The following ABCA13 variants were observed in gnomAD, a reference collection of about 807,000 sequenced individuals.
ABCA13 encodes ATP-binding cassette sub-family A member 13.
Under a neutral mutation model 478.7 loss-of-function variants are expected in ABCA13, and 476 were observed. That is an observed-to-expected ratio of 0.99 (90% confidence interval 0.92 to 1.07). The LOEUF (loss-of-function observed/expected upper bound fraction) is 1.07. ABCA13 is among the 50% of genes least tolerant of loss of function. The probability of loss-of-function intolerance (pLI) is 0.00; values close to 1 mark genes in which losing one functional copy is unlikely to be tolerated. For missense variants in ABCA13, 6,060 were observed against 5,910.6 expected, an observed-to-expected ratio of 1.03 and a Z score of -0.83; for synonymous variants, 2,252 against 2,158.9, an observed-to-expected ratio of 1.04 and a Z score of -1.20.
At chr7:48,235,673 G>A (rs1295746977) in intron 8 of ABCA13, among the ~76,000 whole-genome samples, 1 of 152,178 alleles carries the variant, frequency 6.6e-6, no homozygotes, top group African/African-American at 2.4e-5. Context: ...ACATACTGTT[G>A]TGGGGGAGGA....
chr7:48,435,374 ATTTG>A lies in ABCA13; in HGVS notation c.12565+7507_12565+7510del, dbSNP rs578183647. ...ATTTTGTATCCTGAAACTTTGGTGA[ATTTG>A]TTTATGAGTACTAACATTTTGTGTT... On this transcript the variant is annotated intron_variant, in intron 42 of 61. Transcript: ENST00000435803. 3.9e-3 allele frequency among the ~76,000 whole-genome samples: 587 copies of A among 151,992 alleles called. 5 individuals carry two copies. Among genetic ancestry groups the A allele is most frequent in the African/African-American group, 0.014 (561 of 41,514 alleles).
At chr7:48,261,016 A>G (rs1794102679) in intron 15 of ABCA13, among the ~76,000 whole-genome samples, 1 of 151,694 alleles carries the variant, frequency 6.6e-6, no homozygotes, top group South Asian at 2.1e-4. Context: ...TTACTCTCAA[A>G]TTTGATTGGT....
chr7:48,458,208 A>G (rs1825874011), intron 43 of ABCA13, among the ~76,000 whole-genome samples: 1 of 152,166 alleles, frequency 6.6e-6, no homozygotes, highest in Non-Finnish European at 1.5e-5. Context: ...TCGTTATTGA[A>G]TCTGAGCACC....
chr7:48,279,660 A>T lies in ABCA13; in HGVS notation c.8466A>T (p.Arg2822Ser), dbSNP rs1796764287. 3.1e-6 allele frequency: 5 copies of T among 1,613,368 alleles called. No individual in the cohort carries two copies. In the South Asian group the frequency reaches 4.4e-5, roughly 14 times the overall value. Residue 2822 changes from arginine to serine, a missense_variant, in exon 18 of 62, where the codon AGA becomes AGT. Transcript: ENST00000435803. ...AAGCAATCCATAATGTTTTAAGTAG[A>T]ATAGCTCTCTGGAGGAAAGGACTTC... ...LEKAIHNVLS[R>S]IALWRKGLLF... is the part of the protein sequence containing the mutation.
At chr7:48,543,335 ATAGGC>A (rs1784511118) in intron 55 of ABCA13, among the ~76,000 whole-genome samples, 1 of 151,864 alleles carries the variant, frequency 6.6e-6, no homozygotes, top group Non-Finnish European at 1.5e-5. Flanking sequence ...TACAATACAA[ATAGGC>A]TAGCTGGGCA....
chr7:48,567,782 T>A (rs1314543046), intron 55 of ABCA13, among the ~76,000 whole-genome samples: 1 of 152,094 alleles, frequency 6.6e-6, no homozygotes, highest in Non-Finnish European at 1.5e-5. Flanking sequence ...TAGGTTAGTT[T>A]TACTTGTTTG....
intron 42 of ABCA13, among the ~76,000 whole-genome samples, chr7:48,438,626 TC>T (rs200410677): frequency 7.4e-6 from 1 of 135,932 alleles, no homozygotes; most frequent in Non-Finnish European, 1.6e-5. Context: ...TGCTACCTTT[TC>T]TTTTTTTTAA....
intron 51 of ABCA13, among the ~76,000 whole-genome samples, chr7:48,515,599 C>T (rs1192510590): frequency 6.6e-6 from 1 of 152,136 alleles, no homozygotes; most frequent in Non-Finnish European, 1.5e-5. Context: ...TACTTATCAC[C>T]TGCAAAGCTC....
chr7:48,631,392 C>T (rs1276490575), intron 59 of ABCA13, among the ~76,000 whole-genome samples: 1 of 152,078 alleles, frequency 6.6e-6, no homozygotes. Context: ...TATCCCAGCA[C>T]TATTTATTAA....
At position 48,645,452 on chromosome 7, in the gene ABCA13, T is replaced by G; in HGVS notation, c.15117T>G (p.Thr5039=). 6.3e-7 allele frequency: 1 copy of G among 1,585,804 alleles called. No individual in the cohort carries two copies. The highest frequency in any genetic ancestry group is 8.6e-7 in the Non-Finnish European group (1 of 1,164,752). The change falls in exon 62 of 62, where the codon ACT becomes ACG. Residue 5039 remains threonine, a synonymous_variant. Transcript: ENST00000435803. Reference sequence around the variant, plus strand: ...ATTTTGCTTCTGAGCAGCAGCAAACTCTACAATCTACTCTTGATCCATCCA... The same window carrying G: ...ATTTTGCTTCTGAGCAGCAGCAAACGCTACAATCTACTCTTGATCCATCCA... The part of the protein sequence containing the change: ...FINFASEQQQ[T]LQSTLDPSTD...
At chr7:48,367,721 G>A in intron 31 of ABCA13, 73 bp from the exon 32 acceptor site, 1 of 1,196,578 alleles carries the variant, frequency 8.4e-7, no homozygotes, top group Non-Finnish European at 1.2e-6. Context: ...TTTCTAACTT[G>A]GAAGAAAAAT....
chr7:48,497,094 C>T (rs940257502), intron 48 of ABCA13, among the ~76,000 whole-genome samples: 3 of 151,946 alleles, frequency 2.0e-5, no homozygotes, highest in Admixed American at 1.3e-4. Context: ...ATTGTTTTCC[C>T]AGAGGTCTCT....
intron 43 of ABCA13, among the ~76,000 whole-genome samples, chr7:48,460,469 G>A (rs1826130467): frequency 6.6e-6 from 1 of 152,102 alleles, no homozygotes; most frequent in Non-Finnish European, 1.5e-5. Context: ...CTGTCTTCAT[G>A]TGGCCTTCCT....
intron 55 of ABCA13, among the ~76,000 whole-genome samples, chr7:48,574,369 C>A (rs555142325): frequency 6.6e-6 from 1 of 152,112 alleles, no homozygotes; most frequent in East Asian, 1.9e-4. Context: ...CTGAAAGCCA[C>A]GTTCATTTGC....
chr7:48,436,397 C>A (rs536118777), intron 42 of ABCA13, among the ~76,000 whole-genome samples: 441 of 151,682 alleles, frequency 2.9e-3, no homozygotes, highest in Non-Finnish European at 5.5e-3. Context: ...GTTATTTGAA[C>A]CTTCTTTCTT....
At chr7:48,252,949 G>A (rs73694390) in intron 15 of ABCA13, among the ~76,000 whole-genome samples, 6,213 of 152,124 alleles carry the variant, frequency 0.041, 383 homozygotes, top group African/African-American at 0.14. Flanking sequence ...GCATGGCTTT[G>A]TGCAGGGGAA....
intron 3 of ABCA13, among the ~76,000 whole-genome samples, chr7:48,208,087 A>G (rs1456699907): frequency 1.3e-5 from 2 of 152,044 alleles, no homozygotes; most frequent in East Asian, 1.9e-4. Context: ...GAGCCTTTGT[A>G]AAAAATGAGG....
chr7:48,410,593 G>A lies in ABCA13; in HGVS notation c.12144G>A (p.Gln4048=). The A allele has an allele frequency of 3.7e-6, 6 of 1,614,046 alleles. No homozygotes were observed. Among genetic ancestry groups the A allele is most frequent in the Non-Finnish European group, 4.2e-6 (5 of 1,179,888 alleles). ...TGAGTGACCGCGTGGCCGTCCTCCA[G>A]CATGGGAGGCTCAGGTGCTGCGGTC... ...EALSDRVAVL[Q]HGRLRCCGPP... The change falls in exon 40 of 62, where the codon CAG becomes CAA. Residue 4048 remains glutamine (Q), a synonymous_variant. Coordinates refer to ENST00000435803, the MANE Select transcript of ABCA13 (RefSeq NM_152701.5).
At chr7:48,338,599 A>G in intron 29 of ABCA13, 144 bp downstream of exon 29, 3 of 552,690 alleles carry the variant, frequency 5.4e-6, no homozygotes, top group Non-Finnish European at 9.2e-6. Flanking sequence ...TCTTATCTGG[A>G]TCCTGAAGGG....
Sources: gnomAD v4.1 joint callset for allele counts (sites outside exome capture counted in the v4.1 genomes callset) on GRCh38, gnomAD v4.1.1 for gene constraint, MANE v1.5 for transcripts, NCBI Gene and HGNC (gene_info 2026-07-23, HGNC 2026-07-21) for gene names.